Variants in CACNA2D3 observed in about 807,000 individuals in gnomAD.
CACNA2D3 encodes voltage-dependent calcium channel subunit alpha-2/delta-3.
In CACNA2D3, 60 loss-of-function variants were observed where a neutral mutation model predicts 160.6. The ratio of observed to expected loss-of-function variants is 0.37; its 90% confidence interval spans 0.30 to 0.46. The LOEUF is 0.46. Ranked by LOEUF, CACNA2D3 falls within the 20% of genes least tolerant of loss-of-function variation. The pLI, the probability that CACNA2D3 is intolerant of heterozygous loss-of-function variation, is 1.00. For missense variants in CACNA2D3, 1,205 were observed against 1,365.0 expected (o/e 0.88, Z 1.85); for synonymous variants, 558 against 492.9 (o/e 1.13, Z -1.75).
At chr3:54,642,753 C>G (rs563775598) in intron 11 of CACNA2D3, among the ~76,000 whole-genome samples, 1 of 152,146 alleles carries the variant, frequency 6.6e-6, no homozygotes, top group African/African-American at 2.4e-5. Context: ...TTGCTTTCCA[C>G]GTTGACAGTT....
In CACNA2D3 at chr3:54,225,133, G is replaced by C. The variant is rs139049298; in HGVS notation, c.205-95309G>C. ...CCCACCCCACAACAGGCCCCAGTGT[G>C]TGATGTTCCCCTTCCTGTGTCCAGG... On this transcript the variant is annotated intron_variant, in intron 2 of 37. Coordinates refer to ENST00000474759, the MANE Select transcript of CACNA2D3 (RefSeq NM_018398.3). Among the ~76,000 whole-genome samples, 1,492 of 151,712 alleles carry C rather than the reference G, an allele frequency of 9.8e-3. 24 individuals are homozygous for C. The highest frequency in any genetic ancestry group is 0.034 in the African/African-American group (1,407 of 41,322).
chr3:54,724,109 G>A (rs1207604427), intron 11 of CACNA2D3, among the ~76,000 whole-genome samples: 1 of 152,178 alleles, frequency 6.6e-6, no homozygotes, highest in Non-Finnish European at 1.5e-5. Context: ...AATGGCAGGA[G>A]TTGCAATCCT....
At chr3:54,849,089 G>A (rs570517734) in intron 17 of CACNA2D3, among the ~76,000 whole-genome samples, 151 of 152,300 alleles carry the variant, frequency 9.9e-4, no homozygotes, top group African/African-American at 3.6e-3. Flanking sequence ...GATAGACATT[G>A]GGAAGGGATC....
At chr3:54,306,172 C>T (rs982286747) in intron 2 of CACNA2D3, among the ~76,000 whole-genome samples, 3 of 152,032 alleles carry the variant, frequency 2.0e-5, no homozygotes, top group Non-Finnish European at 2.9e-5. Flanking sequence ...GTCTGCTGCA[C>T]CCCCCAACCC....
At chr3:54,852,918 T>C (rs1301839469) in intron 17 of CACNA2D3, among the ~76,000 whole-genome samples, 1 of 152,216 alleles carries the variant, frequency 6.6e-6, no homozygotes, top group Non-Finnish European at 1.5e-5. Flanking sequence ...GAAGAGATTC[T>C]GTATAATTCC....
At chr3:54,592,103 C>T (rs1025181205) in intron 9 of CACNA2D3, among the ~76,000 whole-genome samples, 9 of 152,186 alleles carry the variant, frequency 5.9e-5, no homozygotes, top group African/African-American at 2.2e-4. Flanking sequence ...TGTGCACTGA[C>T]AGCCAATTCT....
intron 4 of CACNA2D3, among the ~76,000 whole-genome samples, chr3:54,467,204 C>G (rs934374321): frequency 6.6e-6 from 1 of 152,170 alleles, no homozygotes; most frequent in Non-Finnish European, 1.5e-5. Context: ...CAAATGCTGT[C>G]TGAATGTGAG....
intron 27 of CACNA2D3, among the ~76,000 whole-genome samples, chr3:54,940,596 C>T (rs557607321): frequency 6.6e-6 from 1 of 152,300 alleles, no homozygotes; most frequent in East Asian, 1.9e-4. Context: ...AACCTTGCTA[C>T]AGGCTACTCC....
intron 4 of CACNA2D3, among the ~76,000 whole-genome samples, chr3:54,421,075 T>A (rs996312534): frequency 6.6e-6 from 1 of 152,194 alleles, no homozygotes; most frequent in South Asian, 2.1e-4. Flanking sequence ...CCCTCTACAA[T>A]ATCCATGATG....
At chr3:54,264,166 A>G (rs1702459535) in intron 2 of CACNA2D3, among the ~76,000 whole-genome samples, 1 of 152,110 alleles carries the variant, frequency 6.6e-6, no homozygotes, top group Non-Finnish European at 1.5e-5. Flanking sequence ...GCCCACCCAG[A>G]TGTGGTGGGT....
chr3:54,910,125 G>A (rs1700526350), intron 27 of CACNA2D3, among the ~76,000 whole-genome samples: 1 of 152,112 alleles, frequency 6.6e-6, no homozygotes, highest in Non-Finnish European at 1.5e-5. Flanking sequence ...GAATGTCATG[G>A]TCACCTCAAG....
intron 16 of CACNA2D3, among the ~76,000 whole-genome samples, chr3:54,841,155 A>G (rs949668764): frequency 1.3e-5 from 2 of 152,236 alleles, no homozygotes; most frequent in African/African-American, 4.8e-5. Context: ...ACTTCTTACT[A>G]TGTGGTTGGT....
chr3:54,125,223 TTTTC>T (rs1484646661), intron 2 of CACNA2D3, among the ~76,000 whole-genome samples: 2 of 145,578 alleles, frequency 1.4e-5, no homozygotes, highest in African/African-American at 5.2e-5. Context: ...AAATATGTTT[TTTTC>T]TTTCTCTTTG....
intron 11 of CACNA2D3, among the ~76,000 whole-genome samples, chr3:54,669,275 A>G (rs1043657364): frequency 6.6e-6 from 1 of 152,202 alleles, no homozygotes; most frequent in South Asian, 2.1e-4. Flanking sequence ...GGTTGGGGCC[A>G]TGTCCATTTC....
chr3:54,321,145 C>A (rs1351324933), intron 3 of CACNA2D3, among the ~76,000 whole-genome samples: 2 of 151,966 alleles, frequency 1.3e-5, no homozygotes, highest in Non-Finnish European at 2.9e-5. Flanking sequence ...CATGGTGAAA[C>A]CCTGTCTCTA....
chr3:54,881,745 T>C lies in CACNA2D3; in HGVS notation c.1912+882T>C, dbSNP rs550472493. Among the ~76,000 whole-genome samples the C allele has an allele frequency of 3.3e-5, 5 of 152,252 alleles. No homozygotes were observed. The East Asian group carries it at 7.8e-4, about 24-fold the overall frequency. On this transcript the variant is annotated intron_variant, in intron 21 of 37. Coordinates refer to ENST00000474759, the MANE Select transcript of CACNA2D3 (RefSeq NM_018398.3). ...TGTCTTTAGGGAGGACAGCCAGGAA[T>C]GGGAAGGTCAATTATAAGCAAAGTT...
Position 54,987,731 on chromosome 3 carries a change from C to G in CACNA2D3, c.2668C>G (p.Leu890Val). 1.2e-6 allele frequency: 2 copies of G among 1,610,326 alleles called. No homozygotes were observed. Among genetic ancestry groups the G allele is most frequent in the Non-Finnish European group, 1.7e-6 (2 of 1,178,638 alleles). The change falls in exon 31 of 38, where the codon CTA (leucine) becomes GTA (valine). Residue 890 changes from leucine (L) to valine (V), a missense_variant. Physicochemically the swap from Leu to Val is conservative, Grantham distance 32 (BLOSUM62 1). This residue lies in a region of CACNA2D3 where 911 missense variants were observed against 1,002.2 expected (regional missense o/e 0.91). Coordinates refer to ENST00000474759, the MANE Select transcript of CACNA2D3 (RefSeq NM_018398.3). ...EIEGAVMNKLLTMGSFKRITL... is the reference protein window; with the variant it reads ...EIEGAVMNKLVTMGSFKRITL... ...CGAGGGAGCTGTGATGAACAAATTGCTAACAATGGGCTCCTTTAAAAGGTA... is the reference window on the plus strand; with the variant it reads ...CGAGGGAGCTGTGATGAACAAATTGGTAACAATGGGCTCCTTTAAAAGGTA...
chr3:54,635,125 A>G (rs974192836), intron 10 of CACNA2D3, among the ~76,000 whole-genome samples: 4 of 151,728 alleles, frequency 2.6e-5, no homozygotes, highest in African/African-American at 9.7e-5. Context: ...GTAAGGGGTG[A>G]TATTGTGGGG....
chr3:54,337,878 C>T (rs1005057376), intron 3 of CACNA2D3, among the ~76,000 whole-genome samples: 5 of 152,160 alleles, frequency 3.3e-5, no homozygotes, highest in Non-Finnish European at 7.4e-5. Flanking sequence ...ACCTGGAATG[C>T]TTTATAGGTT....
Sources: allele counts gnomAD v4.1 joint callset (sites outside exome capture counted in the v4.1 genomes callset), GRCh38; gene constraint gnomAD v4.1.1; regional missense constraint gnomAD v4.1.1; transcripts MANE v1.5; gene names NCBI Gene and HGNC (gene_info 2026-07-23, HGNC 2026-07-21).